The following MICAL3 variants were observed in gnomAD, a reference collection of about 807,000 sequenced individuals.
MICAL3 encodes [F-actin]-monooxygenase MICAL3.
A neutral mutation model predicts 207.4 loss-of-function variants in MICAL3; 62 were observed. That is an observed-to-expected ratio of 0.30 (90% CI 0.24 to 0.37). MICAL3 has a LOEUF of 0.37. Among genes scored for constraint, MICAL3 ranks in the 10% least tolerant of loss-of-function variants. The pLI, the probability that MICAL3 is intolerant of heterozygous loss-of-function variation, is 1.00. For missense variants in MICAL3, 2,368 were observed against 2,635.6 expected (o/e 0.90, Z 2.22); for synonymous variants, 1,077 against 1,069.3 (o/e 1.01, Z -0.14).
At chr22:17,795,059 T>G (rs892074482) in intron 29 of MICAL3, among the ~76,000 whole-genome samples, 21 of 152,224 alleles carry the variant, frequency 1.4e-4, no homozygotes. Context: ...GTTTTCTGTC[T>G]TTGAACCCTT....
chr22:17,973,541 C>T (rs973581097), intron 1 of MICAL3, among the ~76,000 whole-genome samples: 5 of 152,122 alleles, frequency 3.3e-5, no homozygotes, highest in East Asian at 3.9e-4. Flanking sequence ...ACTGTGGAAC[C>T]GGGGTGGCAG....
chr22:17,897,373 A>C (rs2146248089), intron 7 of MICAL3, among the ~76,000 whole-genome samples: 1 of 144,918 alleles, frequency 6.9e-6, no homozygotes, highest in South Asian at 2.3e-4. Flanking sequence ...CAGTGAGCTG[A>C]GACAGCACCA....
At chr22:18,012,595 C>T (rs1438958499) in intron 1 of MICAL3, among the ~76,000 whole-genome samples, 1 of 152,222 alleles carries the variant, frequency 6.6e-6, no homozygotes, top group Non-Finnish European at 1.5e-5. Flanking sequence ...GCCGGGGCGG[C>T]CAGAGCCTCC....
At chr22:17,964,241 G>C (rs757594235) in intron 1 of MICAL3, among the ~76,000 whole-genome samples, 26 of 152,198 alleles carry the variant, frequency 1.7e-4, no homozygotes, top group Non-Finnish European at 3.5e-4. Context: ...AAGAAGGCCA[G>C]CCTGCTGTTG....
intron 1 of MICAL3, among the ~76,000 whole-genome samples, chr22:17,937,941 T>A (rs1933617709): frequency 6.6e-6 from 1 of 152,216 alleles, no homozygotes; most frequent in Non-Finnish European, 1.5e-5. Context: ...CAGTTATATT[T>A]CAAGGTCAGA....
intron 16 of MICAL3, chr22:17,881,167 G>T: frequency 6.5e-7 from 1 of 1,535,546 alleles, no homozygotes; most frequent in Non-Finnish European, 9.0e-7. Flanking sequence ...CAGGCAGGCA[G>T]ACAGAGACAG....
At chr22:17,880,624 A>G (rs1031869392) in intron 16 of MICAL3, among the ~76,000 whole-genome samples, 1 of 152,204 alleles carries the variant, frequency 6.6e-6, no homozygotes. Context: ...AACATGCCGC[A>G]GACACACGCC....
At position 17,908,294 on chromosome 22, in the gene MICAL3, C is replaced by T. The variant is rs147758185; in HGVS notation, c.-74-1408G>A. The stretch of plus-strand genomic sequence containing the variant: ...TGTGTAAGACAAGGAGGTTAGACAG[C>T]GCCCCTAAGACTTTCTTTTTTTCTT... On this transcript the variant is annotated intron_variant, in intron 1 of 31. Coordinates refer to ENST00000441493, the MANE Select transcript of MICAL3 (RefSeq NM_015241.3). Among the ~76,000 whole-genome samples the T allele has an allele frequency of 6.6e-5, 10 of 152,006 alleles. No individual in the cohort carries two copies. The East Asian group carries it at 1.7e-3, about 26-fold the overall frequency.
At chr22:17,940,266 G>A (rs1217767139) in intron 1 of MICAL3, among the ~76,000 whole-genome samples, 1 of 152,320 alleles carries the variant, frequency 6.6e-6, no homozygotes, top group East Asian at 1.9e-4. Flanking sequence ...CCTGCCAGGT[G>A]CGGTGGCATG....
chr22:17,905,744 A>G (rs1931666064), intron 2 of MICAL3, among the ~76,000 whole-genome samples: 1 of 152,178 alleles, frequency 6.6e-6, no homozygotes, highest in South Asian at 2.1e-4. Flanking sequence ...TCTTCTAAGG[A>G]GGGAAGCAGG....
At chr22:17,838,884 G>A (rs927901795) in intron 20 of MICAL3, among the ~76,000 whole-genome samples, 4 of 150,642 alleles carry the variant, frequency 2.7e-5, no homozygotes, top group Non-Finnish European at 5.9e-5. Flanking sequence ...AAAACACCAC[G>A]CACTTCCCGT....
At chr22:17,880,683 C>G (rs934119359) in intron 16 of MICAL3, among the ~76,000 whole-genome samples, 1 of 152,162 alleles carries the variant, frequency 6.6e-6, no homozygotes, top group African/African-American at 2.4e-5. Flanking sequence ...CTGTGGCTGG[C>G]TATGGGGCTG....
intron 29 of MICAL3, among the ~76,000 whole-genome samples, chr22:17,808,210 G>A (rs1328991912): frequency 2.0e-5 from 3 of 152,378 alleles, no homozygotes; most frequent in Admixed American, 6.5e-5. Context: ...TCCCTGCCAG[G>A]AGCAGCAGTC....
At chr22:18,013,238 G>T (rs1923857104) in intron 1 of MICAL3, among the ~76,000 whole-genome samples, 1 of 152,206 alleles carries the variant, frequency 6.6e-6, no homozygotes, top group Non-Finnish European at 1.5e-5. Context: ...TGTTTGCTTT[G>T]CATTCAGTTA....
rs541591640 is a variant in MICAL3, at chr22:17,986,654, CAG to C, written c.-75+37625_-75+37626del. Reference sequence around the variant, plus strand: ...AACGCAGTGAGTCACCCACTTCACACAGAGAAAAATGCATCCCTCTACTCCTG... The same window carrying C: ...AACGCAGTGAGTCACCCACTTCACACAGAAAAATGCATCCCTCTACTCCTG... On this transcript the variant is annotated intron_variant, in intron 1 of 31. Transcript: ENST00000441493. 2.4e-4 allele frequency among the ~76,000 whole-genome samples: 36 copies of C among 152,328 alleles called. No individual in the cohort carries two copies. In the South Asian group the frequency reaches 7.3e-3, roughly 31 times the overall value.
intron 25 of MICAL3, among the ~76,000 whole-genome samples, chr22:17,821,060 T>C (rs1043412095): frequency 6.6e-6 from 1 of 150,454 alleles, no homozygotes; most frequent in Non-Finnish European, 1.5e-5. Flanking sequence ...TATAATAAAT[T>C]ATTTATTTTT....
rs150765627 is a variant in MICAL3, at chr22:17,959,684, C to T, written c.-74-52798G>A. On this transcript the variant is annotated intron_variant, in intron 1 of 31. Transcript: ENST00000441493. ...GGAGGTTTACAAAGATGACTGCCTA[C>T]GTGTGGAAAATGGTGGGGTTGAGTG... Among the ~76,000 whole-genome samples, 354 of 152,206 alleles carry T rather than the reference C, an allele frequency of 2.3e-3. 2 individuals carry two copies. Among genetic ancestry groups the T allele is most frequent in the African/African-American group, 7.8e-3 (322 of 41,526 alleles).
intron 1 of MICAL3, among the ~76,000 whole-genome samples, chr22:17,970,344 G>A (rs574008488): frequency 6.6e-6 from 1 of 152,194 alleles, no homozygotes; most frequent in Admixed American, 6.5e-5. Context: ...GATGTTCGTG[G>A]TCTGCCCCAG....
At chr22:17,896,138 T>C (rs967227856) in intron 9 of MICAL3, 108 bp downstream of exon 9, 2 of 608,900 alleles carry the variant, frequency 3.3e-6, no homozygotes, top group African/African-American at 1.9e-5. Context: ...CATCTTTAAT[T>C]AAGAAGGCAG....
Sources: allele counts gnomAD v4.1 joint callset (sites outside exome capture counted in the v4.1 genomes callset), GRCh38; gene constraint gnomAD v4.1.1; transcripts MANE v1.5; gene names NCBI Gene and HGNC (gene_info 2026-07-23, HGNC 2026-07-21).